Variants in DLGAP1 observed in about 807,000 individuals in gnomAD.
DLGAP1 encodes the protein DLG associated protein 1, also known as disks large-associated protein 1.
DLGAP1 carries 11 observed loss-of-function variants against 90.8 expected under a neutral mutation model. The observed-to-expected ratio is 0.12, with a 90% confidence interval of 0.08 to 0.20. The LOEUF is 0.20. Among genes scored for constraint, DLGAP1 ranks in the 10% least tolerant of loss-of-function variants. DLGAP1 has a pLI of 1.00. For missense variants in DLGAP1, 1,050 were observed against 1,333.8 expected (o/e 0.79, Z 3.31); for synonymous variants, 558 against 540.7 (o/e 1.03, Z -0.44).
intron 7 of DLGAP1, among the ~76,000 whole-genome samples, chr18:3,590,105 T>A (rs796262918): frequency 2.0e-5 from 3 of 152,298 alleles, no homozygotes; most frequent in African/African-American, 7.2e-5. Flanking sequence ...AGATGGGGTT[T>A]CACCATGTTG....
rs144684629 is a variant in DLGAP1 at position 4,096,515 on chromosome 18, T to C, written c.-159+54665A>G. ...CTTTTTCCTTTGCTTAAGGTACTTTTTGCCATTCTTTTTTTTTTTTCCCCT... is the reference window on the plus strand; with the variant it reads ...CTTTTTCCTTTGCTTAAGGTACTTTCTGCCATTCTTTTTTTTTTTTCCCCT... On this transcript the variant is annotated intron_variant, in intron 2 of 12. Coordinates refer to ENST00000315677, the MANE Select transcript of DLGAP1 (RefSeq NM_004746.4). Among the ~76,000 whole-genome samples the C allele has an allele frequency of 3.9e-3, 592 of 152,280 alleles. 2 individuals carry two copies. The highest frequency in any genetic ancestry group is 0.014 in the Middle Eastern group (4 of 294).
At chr18:4,254,396 G>C (rs913527652) in intron 1 of DLGAP1, among the ~76,000 whole-genome samples, 1 of 152,142 alleles carries the variant, frequency 6.6e-6, no homozygotes, top group Non-Finnish European at 1.5e-5. Flanking sequence ...GTATCATGCT[G>C]ATGGTTATTC....
At chr18:3,771,884 A>G (rs1205833720) in intron 5 of DLGAP1, among the ~76,000 whole-genome samples, 1 of 151,684 alleles carries the variant, frequency 6.6e-6, no homozygotes, top group Non-Finnish European at 1.5e-5. Flanking sequence ...TTCTATTTAC[A>G]AGATAAATTT....
intron 3 of DLGAP1, among the ~76,000 whole-genome samples, chr18:3,999,712 T>A (rs558458472): frequency 1.3e-4 from 2 of 15,416 alleles, no homozygotes; most frequent in African/African-American, 4.4e-4. Flanking sequence ...CGCTTACAAA[T>A]TATTGGGGGG....
chr18:4,247,064 A>T (rs1322702532), intron 1 of DLGAP1, among the ~76,000 whole-genome samples: 1 of 152,166 alleles, frequency 6.6e-6, no homozygotes, highest in African/African-American at 2.4e-5. Context: ...GAGTAGTAGT[A>T]GTTGTAATAG....
chr18:4,297,928 A>G (rs777048956), intron 1 of DLGAP1, among the ~76,000 whole-genome samples: 7 of 152,138 alleles, frequency 4.6e-5, no homozygotes, highest in Non-Finnish European at 8.8e-5. Context: ...CAGCATCGCC[A>G]TGAAAGGACT....
chr18:4,046,632 A>T (rs1017750431), intron 2 of DLGAP1, among the ~76,000 whole-genome samples: 1 of 152,248 alleles, frequency 6.6e-6, no homozygotes, highest in Non-Finnish European at 1.5e-5. Context: ...TCTCTGGCTA[A>T]GCTCAGTGTC....
chr18:4,392,079 G>A lies in DLGAP1; in HGVS notation c.-267+62927C>T, dbSNP rs73386834. Among the ~76,000 whole-genome samples the A allele has an allele frequency of 1.6e-3, 239 of 152,234 alleles. 1 individual carries two copies. Among genetic ancestry groups the A allele is most frequent in the African/African-American group, 5.6e-3 (231 of 41,528 alleles). On this transcript the variant is annotated intron_variant, in intron 1 of 12. Coordinates refer to ENST00000315677, the MANE Select transcript of DLGAP1 (RefSeq NM_004746.4). ...AACCGAAAGTTCAATTTCCCCTGACGAAAGTGGGTCAAGGGAAATGAAACC... is the reference window on the plus strand; with the variant it reads ...AACCGAAAGTTCAATTTCCCCTGACAAAAGTGGGTCAAGGGAAATGAAACC...
chr18:3,518,525 TAAAA>T (rs34819875), intron 10 of DLGAP1, among the ~76,000 whole-genome samples: 1 of 148,754 alleles, frequency 6.7e-6, no homozygotes, highest in African/African-American at 2.5e-5. Context: ...TCAATTTGTT[TAAAA>T]AAAAAAAAAA....
At chr18:4,185,698 T>C (rs2077282090) in intron 1 of DLGAP1, among the ~76,000 whole-genome samples, 1 of 152,124 alleles carries the variant, frequency 6.6e-6, no homozygotes, top group African/African-American at 2.4e-5. Context: ...GAGGGACATT[T>C]AGGTTGATTT....
chr18:4,241,569 CAA>C (rs1488708487), intron 1 of DLGAP1, among the ~76,000 whole-genome samples: 1 of 152,032 alleles, frequency 6.6e-6, no homozygotes, highest in Non-Finnish European at 1.5e-5. Flanking sequence ...GCACTTATTA[CAA>C]AGAGATAAAT....
chr18:4,057,267 A>G (rs2075234323), intron 2 of DLGAP1, among the ~76,000 whole-genome samples: 1 of 152,192 alleles, frequency 6.6e-6, no homozygotes, highest in African/African-American at 2.4e-5. Flanking sequence ...CAACTTCTCG[A>G]TAAGATCTCA....
intron 1 of DLGAP1, among the ~76,000 whole-genome samples, chr18:4,216,400 T>G (rs1314842669): frequency 6.6e-6 from 1 of 152,096 alleles, no homozygotes; most frequent in African/African-American, 2.4e-5. Context: ...CAACTAATTT[T>G]AAATGTTACA....
intron 2 of DLGAP1, among the ~76,000 whole-genome samples, chr18:4,149,153 A>G (rs1234850687): frequency 6.6e-6 from 1 of 152,224 alleles, no homozygotes; most frequent in East Asian, 1.9e-4. Context: ...CTATAATTAA[A>G]TGTTGTTATA....
intron 1 of DLGAP1, among the ~76,000 whole-genome samples, chr18:4,263,948 G>A (rs767897351): frequency 2.0e-5 from 3 of 152,100 alleles, no homozygotes; most frequent in Non-Finnish European, 2.9e-5. Flanking sequence ...TTATGATAAC[G>A]AAAGCAAATA....
intron 7 of DLGAP1, among the ~76,000 whole-genome samples, chr18:3,616,155 A>G (rs1010595058): frequency 2.0e-5 from 3 of 152,354 alleles, no homozygotes; most frequent in African/African-American, 7.2e-5. Flanking sequence ...TAAAGTTGAC[A>G]GGCTGGTAAC....
intron 4 of DLGAP1, among the ~76,000 whole-genome samples, chr18:3,858,447 A>G (rs769619857): frequency 4.7e-5 from 7 of 150,032 alleles, no homozygotes; most frequent in Non-Finnish European, 7.4e-5. Context: ...GTCTGAATTA[A>G]AAATTATATC....
intron 8 of DLGAP1, chr18:3,580,065 G>T: frequency 1.4e-6 from 1 of 714,784 alleles, no homozygotes; most frequent in Non-Finnish European, 2.4e-6. Context: ...CCTCATGTTT[G>T]ATTGTGTTCA....
At chr18:3,816,542 A>T (rs1941547078) in intron 4 of DLGAP1, among the ~76,000 whole-genome samples, 2 of 152,240 alleles carry the variant, frequency 1.3e-5, no homozygotes, top group African/African-American at 4.8e-5. Flanking sequence ...TCTGAAAAGT[A>T]CTAACCAAGA....
Sources: gnomAD v4.1 joint callset for allele counts (sites outside exome capture counted in the v4.1 genomes callset) on GRCh38, gnomAD v4.1.1 for gene constraint, MANE v1.5 for transcripts, NCBI Gene and HGNC (gene_info 2026-07-23, HGNC 2026-07-21) for gene names.